The following BAZ1B variants were observed in gnomAD, a reference collection of about 807,000 sequenced individuals.
The protein encoded by BAZ1B is bromodomain adjacent to zinc finger domain 1B.
A neutral mutation model predicts 153.8 loss-of-function variants in BAZ1B; 22 were observed. The ratio of observed to expected loss-of-function variants is 0.14; its 90% CI spans 0.10 to 0.20. BAZ1B has a LOEUF of 0.20. Among genes scored for constraint, BAZ1B ranks in the 10% least tolerant of loss-of-function variants. The pLI is 1.00. For missense variants in BAZ1B, 1,325 were observed against 1,799.3 expected (o/e 0.74, Z 4.77); for synonymous variants, 676 against 633.4 (o/e 1.07, Z -1.01).
chr7:73,456,537 A>T (rs1285077273), intron 13 of BAZ1B, among the ~76,000 whole-genome samples: 1 of 152,266 alleles, frequency 6.6e-6, no homozygotes, highest in African/African-American at 2.4e-5. Context: ...GACAATAAGC[A>T]CATGAAAAGA....
chr7:73,479,374 T>C (rs1012109427), intron 6 of BAZ1B, among the ~76,000 whole-genome samples: 4 of 151,782 alleles, frequency 2.6e-5, no homozygotes, highest in Non-Finnish European at 5.9e-5. Context: ...CCAGGCATGG[T>C]GGCACATGCC....
intron 19 of BAZ1B, 55 bp downstream of exon 19, chr7:73,442,126 C>T: frequency 1.0e-6 from 1 of 964,136 alleles, no homozygotes; most frequent in Non-Finnish European, 1.6e-6. Flanking sequence ...CTTGGTCTTC[C>T]TCGCTCGCCT....
chr7:73,521,966 G>A lies in BAZ1B; in HGVS notation c.-33C>T. On this transcript the variant is annotated 5_prime_UTR_variant, in exon 1 of 20. Coordinates refer to ENST00000339594, the MANE Select transcript of BAZ1B (RefSeq NM_032408.4). ...GCGGCGGTGGGGACTGGCGGCTGCT[G>A]GGGCCGGCCCCGCGGCGCAGCACTA... 1 of 1,401,066 alleles carries A rather than the reference G, an allele frequency of 7.1e-7. No homozygotes were observed. The highest frequency in any genetic ancestry group is 3.3e-5 in the East Asian group (1 of 30,148). The allele number at this position is 1,401,066 out of a possible 1,614,324, so 86.8% of individuals were successfully genotyped here. A position where few individuals can be genotyped will look rare whatever the true frequency, so the allele number is the denominator to read the frequency against.
chr7:73,518,091 G>A (rs1554579618), intron 1 of BAZ1B, among the ~76,000 whole-genome samples: 2 of 152,128 alleles, frequency 1.3e-5, no homozygotes, highest in African/African-American at 2.4e-5. Context: ...ATGGCATAAC[G>A]TATTACTTTA....
intron 1 of BAZ1B, among the ~76,000 whole-genome samples, chr7:73,516,174 T>C (rs1386696570): frequency 6.6e-6 from 1 of 151,932 alleles, no homozygotes; most frequent in Non-Finnish European, 1.5e-5. Flanking sequence ...GTGGTTTTCT[T>C]TTTTATTATT....
chr7:73,457,297 C>A (rs980263109), intron 13 of BAZ1B, among the ~76,000 whole-genome samples: 20 of 152,102 alleles, frequency 1.3e-4, no homozygotes, highest in African/African-American at 4.8e-4. Flanking sequence ...CCTGCCTCAG[C>A]CTCCCTAGTA....
Position 73,457,473 on chromosome 7 carries a change from C to T in BAZ1B, c.3432+2063G>A, listed in dbSNP as rs573576316. On this transcript the variant is annotated intron_variant, in intron 13 of 19. Coordinates refer to ENST00000339594, the MANE Select transcript of BAZ1B (RefSeq NM_032408.4). ...AATTACAGGCGTGAGCCACCACGCC[C>T]GGCCGGGACTCATTTGTACATTCAT... 7.3e-4 allele frequency among the ~76,000 whole-genome samples: 111 copies of T among 152,190 alleles called. 1 individual carries two copies. Among genetic ancestry groups the T allele is most frequent in the Middle Eastern group, 6.8e-3 (2 of 294 alleles).
intron 4 of BAZ1B, among the ~76,000 whole-genome samples, chr7:73,493,855 A>G (rs188382443): frequency 3.5e-3 from 534 of 150,854 alleles, no homozygotes; most frequent in African/African-American, 9.6e-3. Context: ...AAAAAAAAAA[A>G]AGAGAGAGAG....
At chr7:73,471,685 A>G (rs1788808761) in intron 7 of BAZ1B, among the ~76,000 whole-genome samples, 1 of 152,196 alleles carries the variant, frequency 6.6e-6, no homozygotes, top group Non-Finnish European at 1.5e-5. Context: ...TATTGACAAT[A>G]ACATCTACAA....
chr7:73,522,237 T>C lies in BAZ1B; in HGVS notation c.-304A>G, dbSNP rs541626050. On this transcript the variant is annotated 5_prime_UTR_variant, in exon 1 of 20. It adds an upstream start codon to the 5' untranslated region. Coordinates refer to ENST00000339594, the MANE Select transcript of BAZ1B (RefSeq NM_032408.4). ...CCTCCTCAGCAGCACCGGAGGAAAT[T>C]ATTGAAAAATGGCGGGAGATTCCCC... 100 of 381,310 alleles carry C rather than the reference T, an allele frequency of 2.6e-4. 1 individual carries two copies. The highest frequency in any genetic ancestry group is 4.1e-4 in the Admixed American group (9 of 22,140). 23.6% of individuals were successfully genotyped at this position (381,310 alleles called of 1,614,324 possible). A position where few individuals can be genotyped will look rare whatever the true frequency, so the allele number is the denominator to read the frequency against.
intron 13 of BAZ1B, among the ~76,000 whole-genome samples, chr7:73,453,948 C>T (rs2116251973): frequency 6.6e-6 from 1 of 152,252 alleles, no homozygotes; most frequent in East Asian, 1.9e-4. Context: ...ACTGCACCCA[C>T]CAGCCTGAGT....
chr7:73,482,193 T>G (rs782108397), intron 6 of BAZ1B, among the ~76,000 whole-genome samples: 4 of 152,210 alleles, frequency 2.6e-5, no homozygotes, highest in Non-Finnish European at 5.9e-5. Context: ...GATGCAGAAT[T>G]TCCTCATTCT....
At chr7:73,493,856 AG>A (rs1347301003) in intron 4 of BAZ1B, among the ~76,000 whole-genome samples, 2 of 148,692 alleles carry the variant, frequency 1.3e-5, no homozygotes, top group African/African-American at 2.5e-5. Flanking sequence ...AAAAAAAAAA[AG>A]AGAGAGAGAG....
intron 3 of BAZ1B, among the ~76,000 whole-genome samples, chr7:73,502,967 G>A (rs1375043718): frequency 2.0e-5 from 3 of 152,094 alleles, no homozygotes; most frequent in Non-Finnish European, 4.4e-5. Context: ...CATTTTTTCT[G>A]CTATAGAGTA....
At chr7:73,511,790 G>A (rs1790589101) in intron 1 of BAZ1B, among the ~76,000 whole-genome samples, 2 of 150,888 alleles carry the variant, frequency 1.3e-5, no homozygotes, top group Admixed American at 6.6e-5. Flanking sequence ...GGAGTCCGAG[G>A]CAGGCAGATC....
intron 15 of BAZ1B, among the ~76,000 whole-genome samples, chr7:73,448,091 G>C (rs569661753): frequency 1.3e-5 from 2 of 152,306 alleles, no homozygotes; most frequent in African/African-American, 4.8e-5. Context: ...GATCACCTAA[G>C]GTCGGGAGTT....
At chr7:73,454,099 G>A (rs1444836207) in intron 13 of BAZ1B, among the ~76,000 whole-genome samples, 1 of 151,974 alleles carries the variant, frequency 6.6e-6, no homozygotes, top group Non-Finnish European at 1.5e-5. Context: ...AGGAGTTCAA[G>A]ATCAGCCTGG....
At chr7:73,521,248 T>C (rs1224155092) in intron 1 of BAZ1B, among the ~76,000 whole-genome samples, 1 of 152,068 alleles carries the variant, frequency 6.6e-6, no homozygotes, top group African/African-American at 2.4e-5. Context: ...ATCTCATTCC[T>C]AGTTTTCTGC....
chr7:73,442,710 G>C lies in BAZ1B; in HGVS notation c.4094+15C>G. On this transcript the variant is annotated intron_variant, in intron 18 of 19. Transcript: ENST00000339594. ...GGCCACTCCTCTCCCCTGCACCTGA[G>C]AACACAGCACTCACCTGAAGGGCCA... The C allele has an allele frequency of 6.2e-7, 1 of 1,612,356 alleles. No individual in the cohort carries two copies. Among genetic ancestry groups the C allele is most frequent in the Non-Finnish European group, 8.5e-7 (1 of 1,178,834 alleles).
Sources: gnomAD v4.1 joint callset for allele counts (sites outside exome capture counted in the v4.1 genomes callset) on GRCh38, gnomAD v4.1.1 for gene constraint, MANE v1.5 for transcripts, NCBI Gene and HGNC (gene_info 2026-07-23, HGNC 2026-07-21) for gene names.